Variants in USP28 observed in about 807,000 individuals in gnomAD.
USP28 encodes ubiquitin specific peptidase 28.
Under a neutral mutation model 145.0 loss-of-function variants are expected in USP28, and 113 were observed. The observed-to-expected ratio is 0.78, with a 90% confidence interval of 0.67 to 0.91. The LOEUF is 0.91. USP28 is among the 40% of genes least tolerant of loss of function. The pLI, the probability that USP28 is intolerant of heterozygous loss-of-function variation, is 0.00. For missense variants in USP28, 1,201 were observed against 1,289.6 expected, an observed-to-expected ratio of 0.93 and a Z score of 1.05; for synonymous variants, 447 against 450.9, an observed-to-expected ratio of 0.99 and a Z score of 0.11.
chr11:113,829,654 CT>C (rs1275684787), intron 9 of USP28, among the ~76,000 whole-genome samples: 5 of 152,138 alleles, frequency 3.3e-5, no homozygotes, highest in African/African-American at 7.2e-5. Context: ...AGTGACACCC[CT>C]GTCTCTACAA....
chr11:113,819,726 T>A (rs1489277202), intron 12 of USP28, among the ~76,000 whole-genome samples: 2 of 152,232 alleles, frequency 1.3e-5, no homozygotes, highest in Non-Finnish European at 2.9e-5. Flanking sequence ...AACAATTATT[T>A]ATTTATTTAT....
At chr11:113,829,378 A>C in intron 9 of USP28, 33 bp from the exon 10 acceptor site, 1 of 1,611,010 alleles carries the variant, frequency 6.2e-7, no homozygotes, top group African/African-American at 1.4e-5. Flanking sequence ...TAAAAAAGAC[A>C]TCACTATGAC....
At chr11:113,827,416 A>G (rs1311337102) in intron 10 of USP28, 56 bp from the exon 11 acceptor site, 52 of 1,510,802 alleles carry the variant, frequency 3.4e-5, no homozygotes, top group Non-Finnish European at 4.3e-5. Context: ...GGAAATTACA[A>G]TAACCAGATT....
At chr11:113,822,522 C>A (rs1310989362) in intron 12 of USP28, 1 of 151,162 alleles carries the variant, frequency 6.6e-6, no homozygotes, top group Non-Finnish European at 1.5e-5. Flanking sequence ...CTAAGTTGCA[C>A]AGGCTGGTCT....
At chr11:113,802,596 T>C (rs1442039560) in intron 23 of USP28, among the ~76,000 whole-genome samples, 3 of 152,190 alleles carry the variant, frequency 2.0e-5, no homozygotes, top group African/African-American at 7.2e-5. Context: ...CATGTAGTTA[T>C]ACAGTGCAAA....
intron 19 of USP28, among the ~76,000 whole-genome samples, chr11:113,805,852 G>A (rs1939855428): frequency 6.6e-6 from 1 of 152,140 alleles, no homozygotes; most frequent in Admixed American, 6.5e-5. Context: ...GCTGGGTTAG[G>A]GTCAAGAGAA....
At chr11:113,831,818 A>G in intron 8 of USP28, 102 bp downstream of exon 8, 1 of 1,170,550 alleles carries the variant, frequency 8.5e-7, no homozygotes, top group Non-Finnish European at 1.2e-6. Flanking sequence ...GGTATGGTTA[A>G]AAACCAGCAA....
chr11:113,854,863 A>T (rs1302031035), intron 1 of USP28, among the ~76,000 whole-genome samples: 4 of 152,266 alleles, frequency 2.6e-5, no homozygotes, highest in African/African-American at 9.6e-5. Context: ...TTACAAATAT[A>T]TAAAACATTT....
At chr11:113,808,076 C>T (rs778480188) in intron 18 of USP28, 2 of 1,409,580 alleles carry the variant, frequency 1.4e-6, no homozygotes, top group Non-Finnish European at 1.9e-6. Flanking sequence ...GGGGGCTGTT[C>T]TGACTGCTCT....
intron 1 of USP28, among the ~76,000 whole-genome samples, chr11:113,873,122 T>C (rs910149374): frequency 3.9e-5 from 6 of 152,192 alleles, no homozygotes; most frequent in Admixed American, 3.9e-4. Flanking sequence ...AAAGGTAGAA[T>C]GCCTCAGAGA....
chr11:113,814,392 C>T (rs1565355944), intron 14 of USP28, among the ~76,000 whole-genome samples: 1 of 152,100 alleles, frequency 6.6e-6, no homozygotes, highest in Non-Finnish European at 1.5e-5. Flanking sequence ...TAAGGTTAGT[C>T]TGAGCAATAT....
intron 1 of USP28, among the ~76,000 whole-genome samples, chr11:113,860,131 ACT>A (rs775145676): frequency 7.9e-5 from 12 of 152,170 alleles, no homozygotes; most frequent in Non-Finnish European, 1.5e-4. Context: ...CTAGGTTAAA[ACT>A]CTCTGATGAA....
At chr11:113,806,549 C>T (rs748123988) in exon 19 of USP28, 1 of 1,600,226 alleles carries the variant, frequency 6.2e-7, no homozygotes, top group Admixed American at 1.7e-5. Context: ...TAGCTATGGC[C>T]AGGATGACCC....
chr11:113,813,910 A>C (rs754995445), exon 15 of USP28: 8 of 1,612,968 alleles, frequency 5.0e-6, no homozygotes, highest in Non-Finnish European at 6.8e-6. Context: ...ATCGCAGTAC[A>C]TCTGTTCAAT....
chr11:113,851,458 G>A (rs907391805), intron 3 of USP28, among the ~76,000 whole-genome samples: 1 of 151,964 alleles, frequency 6.6e-6, no homozygotes, highest in Non-Finnish European at 1.5e-5. Context: ...TCCCATCTTA[G>A]GGCCTCAAAT....
At chr11:113,823,224 C>T (rs558104880) in intron 12 of USP28, among the ~76,000 whole-genome samples, 69 of 152,254 alleles carry the variant, frequency 4.5e-4, no homozygotes, top group African/African-American at 1.6e-3. Context: ...TGTTTTTTAT[C>T]TTTCTTAGAC....
At chr11:113,801,402 G>A in intron 24 of USP28, 81 bp downstream of exon 25, 1 of 1,139,534 alleles carries the variant, frequency 8.8e-7, no homozygotes, top group Non-Finnish European at 1.2e-6. Flanking sequence ...AAAAAGGTTT[G>A]GCAACCAGTG....
chr11:113,799,340 T>C, exon 25 of USP28: 1 of 1,614,216 alleles, frequency 6.2e-7, no homozygotes, highest in East Asian at 2.2e-5. Flanking sequence ...AGTTGGAGGC[T>C]CTTTCAAGAC....
intron 16 of USP28, among the ~76,000 whole-genome samples, chr11:113,811,539 T>C (rs565396796): frequency 6.6e-6 from 1 of 152,122 alleles, no homozygotes; most frequent in South Asian, 2.1e-4. Flanking sequence ...AATACAAAAA[T>C]CAGCTGGGCA....
Sources: gnomAD v4.1 joint callset for allele counts (sites outside exome capture counted in the v4.1 genomes callset) on GRCh38, gnomAD v4.1.1 for gene constraint, MANE v1.5 for transcripts, NCBI Gene and HGNC (gene_info 2026-07-23, HGNC 2026-07-21) for gene names.